Variants in HACD2 observed in about 807,000 individuals in gnomAD.
HACD2 encodes the protein 3-hydroxyacyl-CoA dehydratase 2.
Under a neutral mutation model 31.0 loss-of-function variants are expected in HACD2, and 15 were observed. The ratio of observed to expected loss-of-function variants is 0.48; its 90% CI spans 0.32 to 0.75. The LOEUF (loss-of-function observed/expected upper bound fraction) is 0.75, where lower values mean the gene tolerates loss of function less well. HACD2 is among the 30% of genes least tolerant of loss of function. The pLI is 0.03. For synonymous variants in HACD2, 115 were observed against 122.2 expected, an observed-to-expected ratio of 0.94 and a Z score of 0.39; for missense variants, 283 against 313.0, an observed-to-expected ratio of 0.90 and a Z score of 0.72.
In HACD2 at chr3:123,544,520, G is replaced by A. The variant is rs543345525; in HGVS notation, c.293-16046C>T. Among the ~76,000 whole-genome samples the A allele has an allele frequency of 2.0e-5, 3 of 152,196 alleles. No homozygotes were observed. In the South Asian group the frequency reaches 6.2e-4, roughly 32 times the overall value. On this transcript the variant is annotated intron_variant, in intron 3 of 6. Coordinates refer to ENST00000383657, the MANE Select transcript of HACD2 (RefSeq NM_198402.5). ...CTCAAGAAGGAATAAGGAAATGCTAGGCTCAGAGTGAAAGCTTTTATTTCT... is the reference window on the plus strand; with the variant it reads ...CTCAAGAAGGAATAAGGAAATGCTAAGCTCAGAGTGAAAGCTTTTATTTCT...
intron 6 of HACD2, among the ~76,000 whole-genome samples, chr3:123,497,336 C>T (rs141053286): frequency 3.3e-4 from 51 of 152,276 alleles, no homozygotes; most frequent in Non-Finnish European, 4.7e-4. Flanking sequence ...CTGCTGGGCA[C>T]GTGTGTGTGA....
At chr3:123,563,973 T>C (rs1207905821) in intron 3 of HACD2, among the ~76,000 whole-genome samples, 3 of 152,108 alleles carry the variant, frequency 2.0e-5, no homozygotes, top group African/African-American at 4.8e-5. Flanking sequence ...AGGTCCCAAG[T>C]AGGGATGAAG....
At chr3:123,580,647 G>A (rs1419236814) in intron 2 of HACD2, among the ~76,000 whole-genome samples, 1 of 151,708 alleles carries the variant, frequency 6.6e-6, no homozygotes, top group African/African-American at 2.4e-5. Flanking sequence ...TCCATGTATG[G>A]TGGTGCAAGC....
intron 4 of HACD2, among the ~76,000 whole-genome samples, chr3:123,514,350 G>A (rs13087105): frequency 0.038 from 5,853 of 152,232 alleles, 699 homozygotes; most frequent in East Asian, 0.35. Context: ...GAATCTGAGT[G>A]AAGAGAATAT....
At chr3:123,557,826 T>C (rs1206026941) in intron 3 of HACD2, among the ~76,000 whole-genome samples, 2 of 152,334 alleles carry the variant, frequency 1.3e-5, no homozygotes, top group Admixed American at 1.3e-4. Flanking sequence ...TTCATTACTC[T>C]TGGGAAAGCA....
At chr3:123,558,005 T>C (rs961916629) in intron 3 of HACD2, among the ~76,000 whole-genome samples, 1 of 152,224 alleles carries the variant, frequency 6.6e-6, no homozygotes, top group African/African-American at 2.4e-5. Flanking sequence ...TTATTCACAA[T>C]TGGCAAAACC....
chr3:123,542,250 C>T (rs1210553064), intron 3 of HACD2, among the ~76,000 whole-genome samples: 3 of 146,374 alleles, frequency 2.0e-5, no homozygotes, highest in African/African-American at 7.6e-5. Flanking sequence ...AGACAATTCA[C>T]ACAAAAATGG....
At chr3:123,513,689 C>T (rs1459791817) in intron 4 of HACD2, among the ~76,000 whole-genome samples, 1 of 152,166 alleles carries the variant, frequency 6.6e-6, no homozygotes, top group Non-Finnish European at 1.5e-5. Context: ...CCGCATGTCT[C>T]CTTCTCCCAT....
At chr3:123,505,371 C>A (rs2055961757) in intron 4 of HACD2, among the ~76,000 whole-genome samples, 1 of 152,116 alleles carries the variant, frequency 6.6e-6, no homozygotes, top group South Asian at 2.1e-4. Context: ...AGTATTTATG[C>A]AACTGAACTA....
chr3:123,557,447 G>C (rs1410750383), intron 3 of HACD2, among the ~76,000 whole-genome samples: 3 of 152,156 alleles, frequency 2.0e-5, no homozygotes, highest in Admixed American at 6.5e-5. Flanking sequence ...AGACCAGCTT[G>C]AGAAAGATAG....
intron 3 of HACD2, among the ~76,000 whole-genome samples, chr3:123,561,844 C>T (rs1576229497): frequency 1.3e-5 from 2 of 152,040 alleles, no homozygotes; most frequent in East Asian, 3.8e-4. Context: ...CGGGGTCTCA[C>T]TCTGTCGCCC....
intron 3 of HACD2, among the ~76,000 whole-genome samples, chr3:123,563,097 C>A (rs1393218604): frequency 3.9e-5 from 6 of 152,142 alleles, no homozygotes; most frequent in Non-Finnish European, 8.8e-5. Flanking sequence ...ACTGTACTTA[C>A]CAGGATACAG....
At chr3:123,547,982 G>T (rs1052319014) in intron 3 of HACD2, among the ~76,000 whole-genome samples, 2 of 151,984 alleles carry the variant, frequency 1.3e-5, no homozygotes, top group Non-Finnish European at 2.9e-5. Context: ...GGAAGAACCA[G>T]AATCAAAGCC....
intron 2 of HACD2, among the ~76,000 whole-genome samples, chr3:123,581,694 G>A (rs1364273060): frequency 1.3e-5 from 2 of 152,206 alleles, no homozygotes; most frequent in Non-Finnish European, 2.9e-5. Flanking sequence ...TTGGGTTTTT[G>A]TCCCTTGCAA....
At chr3:123,504,079 C>G (rs1263882148) in intron 4 of HACD2, among the ~76,000 whole-genome samples, 1 of 152,124 alleles carries the variant, frequency 6.6e-6, no homozygotes, top group Non-Finnish European at 1.5e-5. Context: ...TTTCCTGGTG[C>G]TCTCATATTA....
At chr3:123,499,496 T>A in intron 6 of HACD2, 3 of 385,080 alleles carry the variant, frequency 7.8e-6, no homozygotes, top group South Asian at 3.9e-5. Context: ...AGATAAACAC[T>A]CACATGAAAT....
At chr3:123,567,369 A>G (rs5018479) in intron 3 of HACD2, among the ~76,000 whole-genome samples, 12,203 of 152,252 alleles carry the variant, frequency 0.08, 1,141 homozygotes, top group East Asian at 0.25. Context: ...GAGGTAGGCA[A>G]TACTCCCATT....
intron 4 of HACD2, among the ~76,000 whole-genome samples, chr3:123,506,062 G>T (rs2055972025): frequency 1.3e-5 from 2 of 152,242 alleles, no homozygotes; most frequent in South Asian, 4.1e-4. Flanking sequence ...CCCTCCACAG[G>T]CAAGGCGTGA....
At chr3:123,494,991 G>C (rs996463547) in intron 6 of HACD2, 21 bp from the exon 7 acceptor site, 1 of 1,471,640 alleles carries the variant, frequency 6.8e-7, no homozygotes, top group Non-Finnish European at 9.3e-7. Context: ...AAGAAAAATT[G>C]GTTAAGAGGA....
Sources: allele counts gnomAD v4.1 joint callset (sites outside exome capture counted in the v4.1 genomes callset), GRCh38; gene constraint gnomAD v4.1.1; transcripts MANE v1.5; gene names NCBI Gene and HGNC (gene_info 2026-07-23, HGNC 2026-07-21).